Variants in FAM118B observed in about 807,000 individuals in gnomAD.
The protein encoded by FAM118B is protein FAM118B.
A neutral mutation model predicts 38.5 loss-of-function variants in FAM118B; 24 were observed. That is an observed-to-expected ratio of 0.62 (90% CI 0.45 to 0.88). The LOEUF (loss-of-function observed/expected upper bound fraction) is 0.88. Among genes scored for constraint, FAM118B ranks in the 40% least tolerant of loss-of-function variants. The pLI, the probability that FAM118B is intolerant of heterozygous loss-of-function variation, is 0.00. For synonymous variants in FAM118B, 138 were observed against 156.3 expected (o/e 0.88, Z 0.87); for missense variants, 334 against 420.0 (o/e 0.80, Z 1.79).
rs1171644245 is a variant in FAM118B, at chr11:126,244,318, G to C, written c.339+3274G>C. ...AACTGCCTCTGTTTGCAGATGTGAT[G>C]ATCTAGTCTATAGAAGATCCTAGGT... On this transcript the variant is annotated intron_variant, in intron 4 of 8. Transcript: ENST00000533050. The surrounding 1 kb of genome is among the most constrained non-coding windows in gnomAD (Gnocchi z 4.5). 1.3e-5 allele frequency among the ~76,000 whole-genome samples: 2 copies of C among 152,190 alleles called. No individual in the cohort carries two copies. Among genetic ancestry groups the C allele is most frequent in the Non-Finnish European group, 2.9e-5 (2 of 68,036 alleles).
At chr11:126,213,075 A>T (rs1193618966) in intron 1 of FAM118B, among the ~76,000 whole-genome samples, 1 of 152,148 alleles carries the variant, frequency 6.6e-6, no homozygotes, top group Non-Finnish European at 1.5e-5. Context: ...TAATTGAGTT[A>T]TGCAGGTCAA....
intron 7 of FAM118B, among the ~76,000 whole-genome samples, chr11:126,259,425 CTTTTTTT>C (rs397945854): frequency 7.7e-6 from 1 of 129,436 alleles, no homozygotes; most frequent in Admixed American, 8.2e-5. Flanking sequence ...CGTTGTGGTA[CTTTTTTT>C]TTTTTTTTTT....
Position 126,241,039 on chromosome 11 carries a change from T to C in FAM118B, c.334T>C (p.Ser112Pro). ...HVAHDLIQKL[S>P]PRTSNVRSTF... ...TGCCCATGACCTTATCCAGAAACTC[T>C]CTCCTGTGAGTACCCTAGTATGTGC... The change falls in exon 4 of 9, where the codon TCT becomes CCT. Residue 112 changes from serine to proline, a missense_variant. Coordinates refer to ENST00000533050, the MANE Select transcript of FAM118B (RefSeq NM_024556.4). 3 of 1,593,618 alleles carry C rather than the reference T, an allele frequency of 1.9e-6. No homozygotes were observed. Among genetic ancestry groups the C allele is most frequent in the Non-Finnish European group, 2.6e-6 (3 of 1,168,956 alleles).
chr11:126,249,731 CAA>C (rs71048775), intron 4 of FAM118B, among the ~76,000 whole-genome samples: 10 of 78,998 alleles, frequency 1.3e-4, no homozygotes, highest in Non-Finnish European at 1.8e-4. Context: ...GACTCCGTCT[CAA>C]AAAAAAAAAA....
chr11:126,231,326 T>G (rs1284901282), intron 2 of FAM118B, among the ~76,000 whole-genome samples: 2 of 152,180 alleles, frequency 1.3e-5, no homozygotes, highest in Non-Finnish European at 2.9e-5. Flanking sequence ...TCAAACGTGA[T>G]CACATAAAAA....
intron 4 of FAM118B, among the ~76,000 whole-genome samples, chr11:126,246,600 G>A (rs553406459): frequency 6.6e-6 from 1 of 151,894 alleles, no homozygotes; most frequent in Non-Finnish European, 1.5e-5. Flanking sequence ...GGGGGAACAG[G>A]TTTTTTTTCT....
intron 1 of FAM118B, among the ~76,000 whole-genome samples, chr11:126,225,654 AGT>A (rs1231521141): frequency 1.3e-5 from 2 of 152,170 alleles, no homozygotes; most frequent in Non-Finnish European, 2.9e-5. Context: ...CTCTTCTCTG[AGT>A]TGCTGTTCAT....
At chr11:126,232,421 A>G (rs1003480440) in intron 2 of FAM118B, among the ~76,000 whole-genome samples, 6 of 152,198 alleles carry the variant, frequency 3.9e-5, no homozygotes, top group Non-Finnish European at 8.8e-5. Flanking sequence ...GTTAATGTTT[A>G]TAAATAGTCC....
chr11:126,236,022 AAC>A (rs1950270088), intron 3 of FAM118B, among the ~76,000 whole-genome samples: 1 of 152,306 alleles, frequency 6.6e-6, no homozygotes, highest in South Asian at 2.1e-4. Context: ...GCTATACTGA[AAC>A]ACACCGATAA....
chr11:126,212,055 T>G (rs1949887514), intron 1 of FAM118B, among the ~76,000 whole-genome samples: 1 of 151,988 alleles, frequency 6.6e-6, no homozygotes, highest in South Asian at 2.1e-4. Flanking sequence ...ACCGACGCCG[T>G]CCCTCTTAGC....
intron 1 of FAM118B, among the ~76,000 whole-genome samples, chr11:126,215,548 T>C (rs1949966622): frequency 6.6e-6 from 1 of 151,492 alleles, no homozygotes; most frequent in African/African-American, 2.4e-5. Flanking sequence ...AATACAAAAA[T>C]TAGCTGGGCG....
At chr11:126,243,712 G>A (rs913313871) in intron 4 of FAM118B, among the ~76,000 whole-genome samples, 3 of 151,678 alleles carry the variant, frequency 2.0e-5, no homozygotes, top group Admixed American at 6.6e-5. Context: ...GAGATCAGCC[G>A]GACCAACATG....
intron 7 of FAM118B, among the ~76,000 whole-genome samples, chr11:126,258,747 T>A (rs1238597621): frequency 1.3e-5 from 2 of 152,252 alleles, no homozygotes; most frequent in Non-Finnish European, 2.9e-5. Context: ...GTTCTACATA[T>A]TTCTTTTGAT....
chr11:126,216,032 G>A (rs1418982569), intron 1 of FAM118B, among the ~76,000 whole-genome samples: 1 of 151,744 alleles, frequency 6.6e-6, no homozygotes, highest in Non-Finnish European at 1.5e-5. Context: ...AAAGTAATTT[G>A]TGTAATACAG....
chr11:126,215,976 T>G (rs1215928376), intron 1 of FAM118B, among the ~76,000 whole-genome samples: 1 of 152,160 alleles, frequency 6.6e-6, no homozygotes, highest in African/African-American at 2.4e-5. Flanking sequence ...ATTGCAGTAC[T>G]GCACTCCAGC....
intron 4 of FAM118B, among the ~76,000 whole-genome samples, chr11:126,242,860 T>C (rs1167473081): frequency 6.6e-6 from 1 of 152,220 alleles, no homozygotes; most frequent in Non-Finnish European, 1.5e-5. Context: ...GCAACTGCAC[T>C]CATAAGTATA....
chr11:126,244,868 A>G lies in FAM118B; in HGVS notation c.339+3824A>G, dbSNP rs561828484. 6.6e-6 allele frequency among the ~76,000 whole-genome samples: 1 copy of G among 152,312 alleles called. No homozygotes were observed. The highest frequency in any genetic ancestry group is 2.4e-5 in the African/African-American group (1 of 41,566). On this transcript the variant is annotated intron_variant, in intron 4 of 8. Transcript: ENST00000533050. This position sits in a 1 kb window ranked among gnomAD's most constrained non-coding sequence, Gnocchi z 4.5. ...ACTACAAAACACTGAAAGAAATGAA[A>G]GAAGATCTAAATAAATGGAAAGACA...
Position 126,250,553 on chromosome 11 carries a change from A to G in FAM118B, c.387A>G (p.Glu129=), listed in dbSNP as rs1213957422. 6.2e-7 allele frequency: 1 copy of G among 1,614,108 alleles called. No homozygotes were observed. Among genetic ancestry groups the G allele is most frequent in the Non-Finnish European group, 8.5e-7 (1 of 1,179,988 alleles). The change falls in exon 5 of 9, where the codon GAA becomes GAG. Residue 129 remains glutamate, a synonymous_variant. Transcript: ENST00000533050. This position sits in a 1 kb window ranked among gnomAD's most constrained non-coding sequence, Gnocchi z 5.1. ...RSTFFKDCLY[E]VFDDLESKME... ...CATTTTTCAAGGACTGTTTATATGA[A>G]GTATTTGATGACTTGGAGTCAAAGA...
chr11:126,214,747 A>G (rs1949957371), intron 1 of FAM118B, among the ~76,000 whole-genome samples: 1 of 152,078 alleles, frequency 6.6e-6, no homozygotes, highest in South Asian at 2.1e-4. Context: ...TTGATATATC[A>G]TAATATGTGC....
Sources: gnomAD v4.1 joint callset for allele counts (sites outside exome capture counted in the v4.1 genomes callset) on GRCh38, gnomAD v4.1.1 for gene constraint, Gnocchi (gnomAD v3.1) non-coding constraint, MANE v1.5 for transcripts, NCBI Gene and HGNC (gene_info 2026-07-23, HGNC 2026-07-21) for gene names.